SH2B2: variants seen among roughly 807,000 people sequenced by gnomAD.
SH2B2 encodes SH2B adaptor protein 2, also known as SH2B adapter protein 2.
SH2B2 carries 37 observed loss-of-function variants against 35.7 expected under a neutral mutation model. The observed-to-expected ratio is 1.04, with a 90% CI of 0.80 to 1.36. SH2B2 has a LOEUF of 1.36. SH2B2 is among the 40% of genes most tolerant of loss of function. The pLI is 0.00. For missense variants in SH2B2, 852 were observed against 817.7 expected (o/e 1.04, Z -0.51); for synonymous variants, 383 against 376.4 (o/e 1.02, Z -0.20).
At chr7:102,300,412 A>C in intron 1 of SH2B2, 110 bp from the exon 2 acceptor site, 1 of 1,273,696 alleles carries the variant, frequency 7.9e-7, no homozygotes, top group Non-Finnish European at 1.0e-6. Flanking sequence ...GTGTGCATGT[A>C]CACACACACC....
chr7:102,299,025 A>C (rs1301029971), intron 1 of SH2B2, among the ~76,000 whole-genome samples: 2 of 137,898 alleles, frequency 1.5e-5, no homozygotes, highest in Non-Finnish European at 3.0e-5. Flanking sequence ...GGTTCACGCC[A>C]TTCTCCTGCT....
Position 102,321,397 on chromosome 7 carries a change from C to T in SH2B2, c.1666C>T (p.Pro556Ser). 1 of 1,376,594 alleles carries T rather than the reference C, an allele frequency of 7.3e-7. No homozygotes were observed. The allele number at this position is 1,376,594 out of a possible 1,614,324, so 85.3% of individuals were successfully genotyped here. A position where few individuals can be genotyped will look rare whatever the true frequency, so the allele number is the denominator to read the frequency against. Residue 556 changes from proline to serine, a missense_variant, in exon 9 of 9, where the codon CCG becomes TCG. Physicochemically the swap from Pro to Ser is moderately conservative, Grantham distance 74. This residue lies in a region of SH2B2 where 556 missense variants were observed against 514.5 expected (regional missense o/e 1.08). Transcript: ENST00000444095. ...CTCCAGCCTCGCCGCGGCCGCCTGC[C>T]CGCCTGCCTCGCCCTCCGACGCCGC... ...YFSSLAAAAC[P>S]PASPSDAAGA...
In SH2B2 at chr7:102,321,481, C is replaced by G; in HGVS notation, c.1750C>G (p.Arg584Gly). 1 of 1,182,480 alleles carries G rather than the reference C, an allele frequency of 8.5e-7. No homozygotes were observed. Among genetic ancestry groups the G allele is most frequent in the Non-Finnish European group, 1.0e-6 (1 of 954,366 alleles). The allele number at this position is 1,182,480 out of a possible 1,614,324, so 73.2% of individuals were successfully genotyped here. A position where few individuals can be genotyped will look rare whatever the true frequency, so the allele number is the denominator to read the frequency against. ...TGCCGCGTCGGGGCCCGCCCCCCCG[C>G]GCCCCGTCGAGGGCCAGCTCAGCGC... ...SSAASGPAPP[R>G]PVEGQLSARS... The change falls in exon 9 of 9, where the codon CGC becomes GGC. Residue 584 changes from arginine (R) to glycine (G), a missense_variant. Around this residue, in one of 3 missense-constraint regions of SH2B2, gnomAD observed 556 missense variants for 514.5 expected, o/e 1.08. Transcript: ENST00000444095.
intron 1 of SH2B2, among the ~76,000 whole-genome samples, chr7:102,293,399 TC>T (rs1184758638): frequency 6.7e-6 from 1 of 150,138 alleles, no homozygotes; most frequent in Non-Finnish European, 1.5e-5. Context: ...CCATTAGACT[TC>T]CCCTGCCCTC....
chr7:102,296,234 A>G (rs1792908869), intron 1 of SH2B2, among the ~76,000 whole-genome samples: 1 of 152,220 alleles, frequency 6.6e-6, no homozygotes. Flanking sequence ...GGCCTCGCAG[A>G]TGATCTCACA....
At chr7:102,296,439 G>A (rs189795229) in intron 1 of SH2B2, among the ~76,000 whole-genome samples, 140 of 152,222 alleles carry the variant, frequency 9.2e-4, no homozygotes, top group African/African-American at 3.1e-3. Context: ...ACACTAAGCC[G>A]GCTCCTTAGA....
chr7:102,290,027 C>T (rs1039274428), intron 1 of SH2B2, among the ~76,000 whole-genome samples: 17 of 152,062 alleles, frequency 1.1e-4, no homozygotes, highest in Non-Finnish European at 2.1e-4. Flanking sequence ...GTCCTGGCCC[C>T]CACTCCCTGC....
Position 102,321,464 on chromosome 7 carries a change from C to T in SH2B2, c.1733C>T (p.Ser578Leu), listed in dbSNP as rs1295472004. The T allele has an allele frequency of 2.8e-5, 34 of 1,211,164 alleles. No homozygotes were observed. Among genetic ancestry groups the T allele is most frequent in the Non-Finnish European group, 3.4e-5 (33 of 971,698 alleles). The allele number at this position is 1,211,164 out of a possible 1,614,324, so 75.0% of individuals were successfully genotyped here. A position where few individuals can be genotyped will look rare whatever the true frequency, so the allele number is the denominator to read the frequency against. The change falls in exon 9 of 9, where the codon TCG becomes TTG. Residue 578 changes from serine (S) to leucine (L), a missense_variant. By Grantham distance (145) the Ser-to-Leu change is moderately radical. Around this residue, in one of 3 missense-constraint regions of SH2B2, gnomAD observed 556 missense variants for 514.5 expected, o/e 1.08. Coordinates refer to ENST00000444095, the MANE Select transcript of SH2B2 (RefSeq NM_001359228.2). ...TCCGCCTCGTCGTCCTCTGCCGCGTCGGGGCCCGCCCCCCCGCGCCCCGTC... is the reference window on the plus strand; with the variant it reads ...TCCGCCTCGTCGTCCTCTGCCGCGTTGGGGCCCGCCCCCCCGCGCCCCGTC... ...SSSASSSSAA[S>L]GPAPPRPVEG...
At chr7:102,301,368 A>G (rs1408988948) in intron 2 of SH2B2, 89 bp downstream of exon 2, 20 of 1,434,154 alleles carry the variant, frequency 1.4e-5, no homozygotes, top group Non-Finnish European at 1.7e-5. Context: ...GCCTTTGGGG[A>G]CCGCGTGGTC....
In SH2B2 at chr7:102,321,355, C is replaced by T; in HGVS notation, c.1624C>T (p.Pro542Ser). The T allele has an allele frequency of 6.9e-7, 1 of 1,440,964 alleles. No individual in the cohort carries two copies. The highest frequency in any genetic ancestry group is 9.1e-7 in the Non-Finnish European group (1 of 1,102,502). 89.3% of individuals were successfully genotyped at this position (1,440,964 alleles called of 1,614,324 possible). A position where few individuals can be genotyped will look rare whatever the true frequency, so the allele number is the denominator to read the frequency against. ...PASPACWSDS[P>S]GQHYFSSLAA... ...GTCCCCGGCCTGCTGGAGCGACTCG[C>T]CCGGCCAGCACTACTTCTCCAGCCT... The change falls in exon 9 of 9, where the codon CCC becomes TCC. Residue 542 changes from proline (P) to serine (S), a missense_variant. Coordinates refer to ENST00000444095, the MANE Select transcript of SH2B2 (RefSeq NM_001359228.2).
upstream of SH2B2, among the ~76,000 whole-genome samples, chr7:102,285,491 G>C (rs1287548243): frequency 1.3e-5 from 2 of 152,210 alleles, no homozygotes; most frequent in Non-Finnish European, 2.9e-5. Flanking sequence ...CTGGTCCTGC[G>C]GAGGGAACAG....
At chr7:102,306,931 A>G in intron 3 of SH2B2, 109 bp downstream of exon 3, 1 of 842,434 alleles carries the variant, frequency 1.2e-6, no homozygotes. Flanking sequence ...AAGGCAGGAC[A>G]GTAGTGGGAG....
intron 3 of SH2B2, 70 bp downstream of exon 3, chr7:102,306,892 C>A: frequency 1.6e-6 from 2 of 1,238,420 alleles, no homozygotes; most frequent in Non-Finnish European, 2.3e-6. Context: ...GGTGCTACAG[C>A]TCCCTAGGGG....
At chr7:102,308,648 C>G (rs936142816) in intron 3 of SH2B2, among the ~76,000 whole-genome samples, 167 bp from the exon 4 acceptor site, 2 of 152,192 alleles carry the variant, frequency 1.3e-5, no homozygotes, top group South Asian at 2.1e-4. Flanking sequence ...GGCCTGAGTT[C>G]CAGGTGGTGC....
chr7:102,311,952 G>A (rs921681775), intron 4 of SH2B2, among the ~76,000 whole-genome samples: 90 of 151,450 alleles, frequency 5.9e-4, no homozygotes, highest in African/African-American at 1.9e-3. Flanking sequence ...AGGCGGGCCC[G>A]CTGTGATCCC....
intron 6 of SH2B2, among the ~76,000 whole-genome samples, chr7:102,315,993 A>T (rs1554556928): frequency 6.6e-6 from 1 of 151,908 alleles, no homozygotes; most frequent in African/African-American, 2.4e-5. Flanking sequence ...CTCTAAAATT[A>T]TTCCAGCTGG....
rs1187835500 is a variant in SH2B2, at chr7:102,297,819, A to G, written c.-29-2703A>G. The stretch of plus-strand genomic sequence containing the variant: ...GGGAAGGGGGTGGAGGGGACACACA[A>G]CCAAGCAACTAAATATATGATATGA... On this transcript the variant is annotated intron_variant, in intron 1 of 8. Transcript: ENST00000444095. The surrounding 1 kb of genome is among the most constrained non-coding windows in gnomAD (Gnocchi z 4.3). Among the ~76,000 whole-genome samples, 1 of 152,142 alleles carries G rather than the reference A, an allele frequency of 6.6e-6. No homozygotes were observed. Among genetic ancestry groups the G allele is most frequent in the African/African-American group, 2.4e-5 (1 of 41,422 alleles).
intron 1 of SH2B2, among the ~76,000 whole-genome samples, chr7:102,296,872 G>A (rs1258620851): frequency 6.6e-6 from 1 of 152,110 alleles, no homozygotes; most frequent in Non-Finnish European, 1.5e-5. Context: ...TGAGCTACTC[G>A]GAAGGCTGAG....
Position 102,318,798 on chromosome 7 carries a change from G to C in SH2B2, c.1395+1403G>C, listed in dbSNP as rs150880277. Among the ~76,000 whole-genome samples, 68 of 152,304 alleles carry C rather than the reference G, an allele frequency of 4.5e-4. No individual in the cohort carries two copies. In the Middle Eastern group the frequency reaches 0.01, roughly 23 times the overall value. On this transcript the variant is annotated intron_variant, in intron 7 of 8. Coordinates refer to ENST00000444095, the MANE Select transcript of SH2B2 (RefSeq NM_001359228.2). ...TCCACCAGGGACATTTCCTTGGCAAGCAGCCACCCTTACAGTTCCTCCGAC... is the reference window on the plus strand; with the variant it reads ...TCCACCAGGGACATTTCCTTGGCAACCAGCCACCCTTACAGTTCCTCCGAC...
Sources: gnomAD v4.1 joint callset for allele counts (sites outside exome capture counted in the v4.1 genomes callset) on GRCh38, gnomAD v4.1.1 for gene constraint, gnomAD v4.1.1 regional missense constraint, Gnocchi (gnomAD v3.1) non-coding constraint, MANE v1.5 for transcripts, NCBI Gene and HGNC (gene_info 2026-07-23, HGNC 2026-07-21) for gene names.